Variants in JAG2 observed in about 807,000 individuals in gnomAD.
JAG2 encodes the protein jagged canonical Notch ligand 2, also known as protein jagged-2.
Under a neutral mutation model 141.7 loss-of-function variants are expected in JAG2, and 46 were observed. The ratio of observed to expected loss-of-function variants is 0.32; its 90% CI spans 0.26 to 0.42. The LOEUF is 0.42. Ranked by LOEUF, JAG2 falls within the 10% of genes least tolerant of loss-of-function variation. The probability of loss-of-function intolerance (pLI) is 1.00; values close to 1 mark genes in which losing one functional copy is unlikely to be tolerated. For missense variants in JAG2, 1,500 were observed against 1,817.5 expected (o/e 0.83, Z 3.18); for synonymous variants, 862 against 763.5 (o/e 1.13, Z -2.13).
chr14:105,156,105 G>A, intron 3 of JAG2, 116 bp from the exon 4 acceptor site: 3 of 1,358,162 alleles, frequency 2.2e-6, no homozygotes, highest in Non-Finnish European at 2.0e-6. Context: ...GGGCACAGCA[G>A]GCAGCAGCAC....
chr14:105,159,765 C>T (rs1450608689), intron 2 of JAG2, among the ~76,000 whole-genome samples: 1 of 73,032 alleles, frequency 1.4e-5, no homozygotes, highest in African/African-American at 5.8e-5. Context: ...CATCCACACC[C>T]CCCCAGAGTT....
In JAG2 at chr14:105,157,767, C is replaced by T. The variant is rs2140987142; in HGVS notation, c.418-4G>A. On this transcript the variant is annotated splice_region_variant and splice_polypyrimidine_tract_variant and intron_variant, in intron 2 of 25. Coordinates refer to ENST00000331782, the MANE Select transcript of JAG2 (RefSeq NM_002226.5). ...CCACGATGAGGGTAAAGGAGCGCTG[C>T]AGACATGGGGAGGCGGGTCAGGTAC... 6.3e-7 allele frequency: 1 copy of T among 1,575,132 alleles called. No individual in the cohort carries two copies.
chr14:105,150,270 C>T (rs910061977), intron 12 of JAG2, among the ~76,000 whole-genome samples: 6 of 151,956 alleles, frequency 3.9e-5, no homozygotes, highest in Admixed American at 3.9e-4. Context: ...CACCCTACCC[C>T]ATGTGCTCTG....
In JAG2 at chr14:105,149,228, G is replaced by A. The variant is rs749391237; in HGVS notation, c.1695C>T (p.Asp565=). The A allele has an allele frequency of 3.1e-6, 5 of 1,596,352 alleles. No homozygotes were observed. The highest frequency in any genetic ancestry group is 4.3e-6 in the Non-Finnish European group (5 of 1,171,784). The change falls in exon 13 of 26, where the codon GAC becomes GAT. Residue 565 remains aspartate, a synonymous_variant. Coordinates refer to ENST00000331782, the MANE Select transcript of JAG2 (RefSeq NM_002226.5). ...GCACGGAGCAGTTCTTGCCACCAAA[G>A]TCATCAGGGCAGGCGCAGTAATAGT... ...EGDYYCACPD[D]FGGKNCSVPR... is the part of the protein sequence containing the mutation.
intron 12 of JAG2, 132 bp downstream of exon 12, chr14:105,150,472 G>A: frequency 1.1e-6 from 1 of 933,168 alleles, no homozygotes; most frequent in African/African-American, 1.7e-5. Context: ...GTGGAGAGCT[G>A]AGCCTGGGAC....
At position 105,168,353 on chromosome 14, in the gene JAG2, A is replaced by G; in HGVS notation, c.66+2T>C. ...CCCCGCCGCCCCCGCCGCCCCGCTC[A>G]CCTGCACCCAGAGCGCCAGCAGCAG... On this transcript the variant is annotated splice_donor_variant, in intron 1 of 25. Transcript: ENST00000331782. LOFTEE classifies it high-confidence loss of function. The G allele has an allele frequency of 1.1e-6, 1 of 884,442 alleles. No individual in the cohort carries two copies. The highest frequency in any genetic ancestry group is 2.7e-5 in the South Asian group (1 of 36,562). The allele number at this position is 884,442 out of a possible 1,614,324, so 54.8% of individuals were successfully genotyped here.
At chr14:105,156,023 G>C (rs769422920) in intron 3 of JAG2, 34 bp from the exon 4 acceptor site, 1 of 1,595,518 alleles carries the variant, frequency 6.3e-7, no homozygotes, top group East Asian at 2.2e-5. Context: ...ACAGGCCAGA[G>C]AAACCAGCCC....
chr14:105,151,404 G>A lies in JAG2; in HGVS notation c.1154-8C>T. On this transcript the variant is annotated splice_polypyrimidine_tract_variant and splice_region_variant and intron_variant, in intron 8 of 25. Transcript: ENST00000331782. ...AAGCACACTCATCGATGTCTGCAGA[G>A]GGTGGAGAAAGGTGGGGCCCTGGCA... 2 of 1,608,332 alleles carry A rather than the reference G, an allele frequency of 1.2e-6. No individual in the cohort carries two copies. The highest frequency in any genetic ancestry group is 1.7e-6 in the Non-Finnish European group (2 of 1,178,704).
In JAG2 at chr14:105,143,592, C is replaced by A; in HGVS notation, c.3131G>T (p.Gly1044Val). Residue 1044 changes from glycine (G) to valine (V), a missense_variant, in exon 25 of 26, where the codon GGC (glycine) becomes GTC (valine). Coordinates refer to ENST00000331782, the MANE Select transcript of JAG2 (RefSeq NM_002226.5). ...RDLPDSSLIQGAAHAIVAAIT... is the reference protein window; with the variant it reads ...RDLPDSSLIQVAAHAIVAAIT... ...GGCGGCCACGATGGCGTGGGCCGCGCCCTGGATCAGGCTGCTGTCAGGCAG... is the reference window on the plus strand; with the variant it reads ...GGCGGCCACGATGGCGTGGGCCGCGACCTGGATCAGGCTGCTGTCAGGCAG... The A allele has an allele frequency of 6.2e-7, 1 of 1,607,558 alleles. No homozygotes were observed. Among genetic ancestry groups the A allele is most frequent in the Non-Finnish European group, 8.5e-7 (1 of 1,179,290 alleles).
chr14:105,143,321 G>C (rs1403831896), intron 25 of JAG2, 151 bp from the exon 26 acceptor site: 2 of 1,293,506 alleles, frequency 1.5e-6, no homozygotes, highest in African/African-American at 1.5e-5. Context: ...CAGGACGGGG[G>C]CTGGGAAGGT....
rs199652434 is a variant in JAG2 at position 105,155,910 on chromosome 14, G to A, written c.555C>T (p.Gly185=). 2.3e-5 allele frequency: 37 copies of A among 1,612,062 alleles called. No homozygotes were observed. Among genetic ancestry groups the A allele is most frequent in the Admixed American group, 3.3e-5 (2 of 59,962 alleles). The change falls in exon 4 of 26, where the codon GGC becomes GGT. Residue 185 remains glycine (G), a synonymous_variant. Transcript: ENST00000331782. The part of the protein sequence containing the change: ...EDRWKSLHFS[G]HVAHLELQIR... ...TCTGCAGCTCCAGGTGCGCCACGTG[G>A]CCGCTGAAGTGCAGGCTCTTCCAGC...
chr14:105,158,897 G>A (rs1032841692), intron 2 of JAG2, among the ~76,000 whole-genome samples: 12 of 152,014 alleles, frequency 7.9e-5, no homozygotes, highest in Non-Finnish European at 1.8e-4. Flanking sequence ...CCAAGGCCTG[G>A]CTAAGCTGGG....
In JAG2 at chr14:105,168,605, G is replaced by T; in HGVS notation, c.-185C>A. On this transcript the variant is annotated 5_prime_UTR_variant, in exon 1 of 26. Coordinates refer to ENST00000331782, the MANE Select transcript of JAG2 (RefSeq NM_002226.5). ...AGCGCCGCGGCGCGCGGGCCTGGGC[G>T]GCGGGCGTGCAGGGGCGGCGGCAGC... 6.9e-6 allele frequency: 1 copy of T among 145,860 alleles called. No homozygotes were observed. The highest frequency in any genetic ancestry group is 1.9e-4 in the South Asian group (1 of 5,300). 9.0% of individuals were successfully genotyped at this position (145,860 alleles called of 1,614,324 possible).
intron 8 of JAG2, 39 bp from the exon 9 acceptor site, chr14:105,151,435 AG>A: frequency 6.3e-7 from 1 of 1,577,520 alleles, no homozygotes. Flanking sequence ...TGGCAGTGTG[AG>A]CCGTGGGAAT....
At position 105,154,117 on chromosome 14, in the gene JAG2, TGGAA is replaced by T. The variant is rs1888513877; in HGVS notation, c.788+1441_788+1444del. On this transcript the variant is annotated intron_variant, in intron 5 of 25. Transcript: ENST00000331782. This position sits in a 1 kb window ranked among gnomAD's most constrained non-coding sequence, Gnocchi z 4.4. Reference sequence around the variant, plus strand: ...CCAGGCCACTCAACCGTGGGGCCTGTGGAAGGGTCACCCACCTCCCCACCTTGGC... The same window carrying T: ...CCAGGCCACTCAACCGTGGGGCCTGTGGGTCACCCACCTCCCCACCTTGGC... 6.6e-6 allele frequency among the ~76,000 whole-genome samples: 1 copy of T among 152,038 alleles called. No individual in the cohort carries two copies. The highest frequency in any genetic ancestry group is 1.5e-5 in the Non-Finnish European group (1 of 67,986).
intron 2 of JAG2, among the ~76,000 whole-genome samples, chr14:105,162,774 CCACAGTCCAGGGCA>C (rs1888793442): frequency 1.3e-5 from 1 of 78,890 alleles, no homozygotes; most frequent in Admixed American, 1.4e-4. Context: ...CCCAGTGTAC[CCACAGTCCAGGGCA>C]CCCCAAAGCT....
chr14:105,162,341 T>C (rs181514691), intron 2 of JAG2, among the ~76,000 whole-genome samples: 21 of 148,736 alleles, frequency 1.4e-4, no homozygotes, highest in African/African-American at 5.0e-4. Context: ...TCTGATTGCC[T>C]CCTCCCCAGC....
rs187505190 is a variant in JAG2, at chr14:105,162,451, T to C, written c.418-4688A>G. 8.0e-3 allele frequency among the ~76,000 whole-genome samples: 310 copies of C among 38,914 alleles called. 5 individuals are homozygous for C. The highest frequency in any genetic ancestry group is 0.042 in the Admixed American group (224 of 5,344). 25.5% of individuals were successfully genotyped at this position (38,914 alleles called of 152,430 possible). A position where few individuals can be genotyped will look rare whatever the true frequency, so the allele number is the denominator to read the frequency against. ...GGACAGGCAGACAAGACAATAGATGTTCCACCCCAGGCCAGGGCACCTCAA... is the reference window on the plus strand; with the variant it reads ...GGACAGGCAGACAAGACAATAGATGCTCCACCCCAGGCCAGGGCACCTCAA... On this transcript the variant is annotated intron_variant, in intron 2 of 25. Coordinates refer to ENST00000331782, the MANE Select transcript of JAG2 (RefSeq NM_002226.5).
rs1888326878 is a variant in JAG2, at chr14:105,149,102, G to C, written c.1754-13C>G. ...CAGCCATCGATCACTATGGCAGGCAGTACAGTCAGGAGTCAGGCCCGCCCC... is the reference window on the plus strand; with the variant it reads ...CAGCCATCGATCACTATGGCAGGCACTACAGTCAGGAGTCAGGCCCGCCCC... On this transcript the variant is annotated splice_polypyrimidine_tract_variant and intron_variant, in intron 13 of 25. Coordinates refer to ENST00000331782, the MANE Select transcript of JAG2 (RefSeq NM_002226.5). 1 of 1,605,946 alleles carries C rather than the reference G, an allele frequency of 6.2e-7. No homozygotes were observed.
Sources: allele counts gnomAD v4.1 joint callset (sites outside exome capture counted in the v4.1 genomes callset), GRCh38; gene constraint gnomAD v4.1.1; non-coding constraint Gnocchi (gnomAD v3.1); transcripts MANE v1.5; gene names NCBI Gene and HGNC (gene_info 2026-07-23, HGNC 2026-07-21).